DNAH7: variants seen among roughly 807,000 people sequenced by gnomAD.
DNAH7 encodes the protein axonemal beta dynein heavy chain 7.
Under a neutral mutation model 444.6 loss-of-function variants are expected in DNAH7, and 397 were observed. The observed-to-expected ratio is 0.89, with a 90% CI of 0.82 to 0.97. DNAH7 has a LOEUF of 0.97. DNAH7 is among the 50% of genes least tolerant of loss of function. The pLI is 0.00. For missense variants in DNAH7, 4,902 were observed against 4,800.8 expected (o/e 1.02, Z -0.62); for synonymous variants, 1,636 against 1,624.4 (o/e 1.01, Z -0.17).
chr2:195,901,107 A>G (rs1686678001), intron 27 of DNAH7: 1 of 152,174 alleles, frequency 6.6e-6, no homozygotes, highest in Non-Finnish European at 1.5e-5. Flanking sequence ...ATAATAATGT[A>G]TTATATTCTT....
chr2:195,792,951 G>A (rs1695956250), intron 57 of DNAH7, among the ~76,000 whole-genome samples: 1 of 151,892 alleles, frequency 6.6e-6, no homozygotes, highest in South Asian at 2.1e-4. Flanking sequence ...TTTAGAAATA[G>A]GGTCTTCTTG....
At chr2:195,931,768 T>C (rs1688712292) in intron 21 of DNAH7, among the ~76,000 whole-genome samples, 1 of 152,254 alleles carries the variant, frequency 6.6e-6, no homozygotes, top group South Asian at 2.1e-4. Context: ...CTCTGTTCTG[T>C]TACATTGGTC....
intron 14 of DNAH7, among the ~76,000 whole-genome samples, chr2:195,986,233 G>T (rs951255845): frequency 1.3e-5 from 2 of 152,136 alleles, no homozygotes; most frequent in African/African-American, 4.8e-5. Context: ...GTAATTTACT[G>T]GTTTGTGTGT....
chr2:195,850,524 A>T (rs530023690), intron 46 of DNAH7, among the ~76,000 whole-genome samples: 23 of 152,336 alleles, frequency 1.5e-4, no homozygotes, highest in African/African-American at 5.5e-4. Flanking sequence ...CTGTGGGCCC[A>T]GTTACCCTGG....
chr2:195,782,016 CAG>C (rs1491556209), intron 58 of DNAH7, among the ~76,000 whole-genome samples: 4,322 of 141,312 alleles, frequency 0.031, 66 homozygotes, highest in African/African-American at 0.036. Flanking sequence ...CACACACACA[CAG>C]ACACACCCCT....
intron 15 of DNAH7, among the ~76,000 whole-genome samples, chr2:195,975,626 G>A (rs1404746781): frequency 6.6e-6 from 1 of 152,136 alleles, no homozygotes; most frequent in Non-Finnish European, 1.5e-5. Flanking sequence ...CCAACCCCAG[G>A]CAGCACAGCT....
chr2:195,901,347 G>A (rs1289754684), intron 27 of DNAH7: 1 of 151,916 alleles, frequency 6.6e-6, no homozygotes, highest in Non-Finnish European at 1.5e-5. Flanking sequence ...CAAATAAACA[G>A]ACAAATTCCT....
At chr2:196,018,278 A>T (rs188657909) in intron 9 of DNAH7, among the ~76,000 whole-genome samples, 3 of 152,110 alleles carry the variant, frequency 2.0e-5, no homozygotes, top group Non-Finnish European at 2.9e-5. Context: ...TATAATACAC[A>T]TAGTTAGAAT....
intron 47 of DNAH7, among the ~76,000 whole-genome samples, chr2:195,834,589 C>T (rs933559543): frequency 4.6e-5 from 7 of 152,180 alleles, no homozygotes; most frequent in Admixed American, 4.6e-4. Flanking sequence ...TTATTATACT[C>T]TTTTTGGAAA....
intron 11 of DNAH7, among the ~76,000 whole-genome samples, chr2:196,001,225 A>C (rs1398530572): frequency 6.6e-6 from 1 of 152,144 alleles, no homozygotes; most frequent in Non-Finnish European, 1.5e-5. Context: ...CCTTCCAGAA[A>C]CAGAAATGGT....
chr2:196,050,278 A>G (rs1285575618), intron 3 of DNAH7, among the ~76,000 whole-genome samples: 14 of 152,162 alleles, frequency 9.2e-5, no homozygotes, highest in Admixed American at 9.2e-4. Flanking sequence ...CCAATATGAA[A>G]TACCTAGAGT....
At chr2:195,807,598 T>C (rs758182539) in intron 53 of DNAH7, among the ~76,000 whole-genome samples, 15 of 152,308 alleles carry the variant, frequency 9.8e-5, no homozygotes, top group Non-Finnish European at 1.8e-4. Context: ...TACTGTTTTA[T>C]AAAGGAAGAC....
chr2:195,819,688 C>A (rs1697369897), intron 49 of DNAH7, among the ~76,000 whole-genome samples: 2 of 152,102 alleles, frequency 1.3e-5, no homozygotes, highest in African/African-American at 4.8e-5. Flanking sequence ...GCACAGAGGG[C>A]ACCCAACCCA....
At chr2:195,777,730 A>T in intron 59 of DNAH7, 70 bp downstream of exon 59, 1 of 1,479,280 alleles carries the variant, frequency 6.8e-7, no homozygotes, top group Non-Finnish European at 9.2e-7. Flanking sequence ...ATCACCATTT[A>T]AAAAATATCA....
intron 9 of DNAH7, 35 bp from the exon 10 acceptor site, chr2:196,012,941 T>C: frequency 2.2e-6 from 3 of 1,392,550 alleles, no homozygotes; most frequent in East Asian, 2.5e-5. Context: ...AATTTAACAA[T>C]GACTTTTTTG....
At chr2:195,828,691 C>CT (rs1193057353) in intron 48 of DNAH7, among the ~76,000 whole-genome samples, 1 of 143,088 alleles carries the variant, frequency 7.0e-6, no homozygotes, top group Non-Finnish European at 1.5e-5. Flanking sequence ...TAGCATTTGT[C>CT]TTTTTTTCTT....
chr2:196,024,664 T>A (rs1238508587), intron 7 of DNAH7, among the ~76,000 whole-genome samples, 160 bp from the exon 8 acceptor site: 1 of 152,166 alleles, frequency 6.6e-6, no homozygotes, highest in African/African-American at 2.4e-5. Flanking sequence ...AGAAAATTTT[T>A]AAAACCTTAC....
intron 12 of DNAH7, chr2:195,995,395 C>G: frequency 2.0e-6 from 1 of 496,130 alleles, no homozygotes; most frequent in Admixed American, 2.1e-5. Flanking sequence ...AGGGATGTAT[C>G]ATATGGCGTT....
chr2:195,830,988 T>C (rs1015354473), intron 48 of DNAH7, among the ~76,000 whole-genome samples: 2 of 152,138 alleles, frequency 1.3e-5, no homozygotes, highest in Non-Finnish European at 2.9e-5. Flanking sequence ...AAACACTAAA[T>C]TGGAAGTAGT....
Sources: allele counts gnomAD v4.1 joint callset (sites outside exome capture counted in the v4.1 genomes callset), GRCh38; gene constraint gnomAD v4.1.1; transcripts MANE v1.5; gene names NCBI Gene and HGNC (gene_info 2026-07-23, HGNC 2026-07-21).